Variants in CHD1 observed in about 807,000 individuals in gnomAD.
CHD1 encodes the protein chromodomain helicase DNA binding protein 1, also known as ATP-dependent chromatin remodeler CHD1.
In CHD1, 36 loss-of-function variants were observed where a neutral mutation model predicts 224.2. The ratio of observed to expected loss-of-function variants is 0.16; its 90% CI spans 0.12 to 0.21. The LOEUF (loss-of-function observed/expected upper bound fraction) is 0.21, where lower values mean the gene tolerates loss of function less well. Ranked by LOEUF, CHD1 falls within the 10% of genes least tolerant of loss-of-function variation. The pLI, the probability that CHD1 is intolerant of heterozygous loss-of-function variation, is 1.00. For synonymous variants in CHD1, 668 were observed against 658.3 expected (o/e 1.01, Z -0.23); for missense variants, 1,378 against 1,994.8 (o/e 0.69, Z 5.89).
chr5:98,924,088 T>G (rs967624811), intron 2 of CHD1, among the ~76,000 whole-genome samples: 16 of 152,084 alleles, frequency 1.1e-4, no homozygotes, highest in Admixed American at 9.8e-4. Flanking sequence ...AGACCTCATC[T>G]CTACAAAAAA....
At chr5:98,859,609 T>A (rs946638163) in intron 33 of CHD1, among the ~76,000 whole-genome samples, 2 of 152,142 alleles carry the variant, frequency 1.3e-5, no homozygotes, top group Non-Finnish European at 2.9e-5. Context: ...GAATTCCACA[T>A]AAGTGATGTA....
intron 5 of CHD1, among the ~76,000 whole-genome samples, chr5:98,901,881 A>G (rs754740052): frequency 2.0e-5 from 3 of 152,096 alleles, no homozygotes; most frequent in Non-Finnish European, 4.4e-5. Flanking sequence ...ATGGATGTTA[A>G]TATTTTGCTA....
intron 29 of CHD1, among the ~76,000 whole-genome samples, chr5:98,870,454 G>GA (rs938627721): frequency 2.5e-4 from 36 of 145,418 alleles, no homozygotes; most frequent in East Asian, 7.9e-4. Flanking sequence ...TCTAAAACTA[G>GA]AAAAAAAAAA....
chr5:98,927,818 C>T (rs1753576061), intron 1 of CHD1, among the ~76,000 whole-genome samples: 1 of 152,148 alleles, frequency 6.6e-6, no homozygotes. Flanking sequence ...CCTTTCCCCT[C>T]CATCTCCCTT....
intron 5 of CHD1, among the ~76,000 whole-genome samples, chr5:98,902,057 CATAGT>C (rs1031420422): frequency 3.3e-5 from 5 of 151,858 alleles, no homozygotes; most frequent in African/African-American, 1.2e-4. Flanking sequence ...ATGATAAAAA[CATAGT>C]AGAAGCAAAT....
At position 98,870,696 on chromosome 5, in the gene CHD1, A is replaced by C. The variant is rs1181816837; in HGVS notation, c.3969T>G (p.Leu1323=). 2 of 1,592,788 alleles carry C rather than the reference A, an allele frequency of 1.3e-6. No individual in the cohort carries two copies. Among genetic ancestry groups the C allele is most frequent in the Non-Finnish European group, 1.7e-6 (2 of 1,168,064 alleles). ...GTGGGCTTTAACTTACCGCACCAGA[A>C]AGAGCTTCTTTTTTTGCAAGATCTC... is the stretch of plus-strand genomic sequence containing the variant. ...LSRDLAKKEA[L]SGAGSSKRRK... is the part of the protein sequence containing the mutation. The change falls in exon 29 of 36, where the codon CTT becomes CTG. Residue 1323 remains leucine, a synonymous_variant. Transcript: ENST00000614616.
At chr5:98,887,444 G>C (rs1486331184) in intron 17 of CHD1, among the ~76,000 whole-genome samples, 1 of 152,066 alleles carries the variant, frequency 6.6e-6, no homozygotes, top group African/African-American at 2.4e-5. Context: ...TTTACTAGCT[G>C]TATCTACATA....
intron 31 of CHD1, among the ~76,000 whole-genome samples, chr5:98,864,600 T>C (rs468990): frequency 7.0e-6 from 1 of 143,252 alleles, no homozygotes; most frequent in Non-Finnish European, 1.5e-5. Flanking sequence ...GAGGTCAAGG[T>C]GGGAGGACTG....
chr5:98,867,774 T>G (rs1289377008), intron 31 of CHD1, among the ~76,000 whole-genome samples: 1 of 150,598 alleles, frequency 6.6e-6, no homozygotes, highest in Non-Finnish European at 1.5e-5. Context: ...GGGCCCACCT[T>G]GGCCTCCTTT....
Position 98,926,316 on chromosome 5 carries a change from A to G in CHD1, c.53+18T>C. 6.9e-7 allele frequency: 1 copy of G among 1,451,840 alleles called. No homozygotes were observed. Among genetic ancestry groups the G allele is most frequent in the South Asian group, 1.3e-5 (1 of 77,778 alleles). 89.9% of individuals were successfully genotyped at this position (1,451,840 alleles called of 1,614,324 possible). A position where few individuals can be genotyped will look rare whatever the true frequency, so the allele number is the denominator to read the frequency against. ...ACTCTCTTCATAGTAAACAATTGAT[A>G]ACAAAGTGCTTACTTACCTTGATTC... On this transcript the variant is annotated intron_variant, in intron 2 of 35. Coordinates refer to ENST00000614616, the MANE Select transcript of CHD1 (RefSeq NM_001270.4).
At chr5:98,903,038 T>A in intron 4 of CHD1, 74 bp from the exon 5 acceptor site, 1 of 863,526 alleles carries the variant, frequency 1.2e-6, no homozygotes, top group Non-Finnish European at 1.8e-6. Flanking sequence ...TTATTTGCTA[T>A]ACTATTTAAC....
intron 2 of CHD1, among the ~76,000 whole-genome samples, chr5:98,917,632 C>T (rs574651328): frequency 3.9e-5 from 6 of 152,244 alleles, no homozygotes; most frequent in African/African-American, 1.4e-4. Flanking sequence ...GAAAAGAGTA[C>T]CCCGCTATTC....
intron 30 of CHD1, chr5:98,869,502 T>C (rs1462187728): frequency 8.0e-6 from 3 of 373,450 alleles, no homozygotes; most frequent in Non-Finnish European, 9.2e-6. Context: ...TTGGCAAATG[T>C]TTGAAAAGGA....
intron 2 of CHD1, among the ~76,000 whole-genome samples, chr5:98,917,308 A>AAAAAAAAAAAAAAC (rs1197267030): frequency 6.6e-6 from 1 of 151,344 alleles, no homozygotes; most frequent in Non-Finnish European, 1.5e-5. Context: ...ACAAAAAAAA[A>AAAAAAAAAAAAAAC]AAACAACCTC....
At chr5:98,895,680 G>C (rs543548273) in intron 12 of CHD1, among the ~76,000 whole-genome samples, 10 of 145,588 alleles carry the variant, frequency 6.9e-5, no homozygotes, top group Non-Finnish European at 1.4e-4. Flanking sequence ...TTGAACCTGG[G>C]AGGTGGAGGT....
chr5:98,870,756 C>A lies in CHD1; in HGVS notation c.3909G>T (p.Gln1303His). ...PDKKPQAKQL[Q>H]TRADYLIKLL... ...ATTTGATGAGGTAGTCTGCACGGGT[C>A]TGCAACTGTTTTGCTTGTGGTTTTT... Residue 1303 changes from glutamine to histidine, a missense_variant, in exon 29 of 36, where the codon CAG becomes CAT. By Grantham distance (24) the Gln-to-His change is conservative. Coordinates refer to ENST00000614616, the MANE Select transcript of CHD1 (RefSeq NM_001270.4). 1 of 1,612,396 alleles carries A rather than the reference C, an allele frequency of 6.2e-7. No homozygotes were observed. Among genetic ancestry groups the A allele is most frequent in the Non-Finnish European group, 8.5e-7 (1 of 1,179,134 alleles).
intron 11 of CHD1, among the ~76,000 whole-genome samples, chr5:98,896,950 T>C (rs111958957): frequency 1.3e-5 from 2 of 152,144 alleles, no homozygotes; most frequent in African/African-American, 4.8e-5. Context: ...CAGATATGCA[T>C]TTTGATTTTT....
intron 2 of CHD1, among the ~76,000 whole-genome samples, chr5:98,924,859 T>C (rs796549519): frequency 6.6e-6 from 1 of 151,872 alleles, no homozygotes; most frequent in African/African-American, 2.4e-5. Flanking sequence ...GCGCCTGTAA[T>C]CCCAGCTACT....
chr5:98,921,251 C>T lies in CHD1; in HGVS notation c.53+5083G>A, dbSNP rs899153776. ...CATCAGTTGCCATTGTTACTGCTTC[C>T]GGAGAAACGAAACTTACCTAGCCTC... On this transcript the variant is annotated intron_variant, in intron 2 of 35. Coordinates refer to ENST00000614616, the MANE Select transcript of CHD1 (RefSeq NM_001270.4). Among the ~76,000 whole-genome samples the T allele has an allele frequency of 9.9e-5, 15 of 152,106 alleles. 1 individual carries two copies. Among genetic ancestry groups the T allele is most frequent in the South Asian group, 2.1e-4 (1 of 4,818 alleles).
Sources: gnomAD v4.1 joint callset for allele counts (sites outside exome capture counted in the v4.1 genomes callset) on GRCh38, gnomAD v4.1.1 for gene constraint, MANE v1.5 for transcripts, NCBI Gene and HGNC (gene_info 2026-07-23, HGNC 2026-07-21) for gene names.